LRRTM3: variants seen among roughly 807,000 people sequenced by gnomAD.
The protein encoded by LRRTM3 is leucine-rich repeat transmembrane neuronal protein 3.
LRRTM3 carries 24 observed loss-of-function variants against 44.7 expected under a neutral mutation model. The ratio of observed to expected loss-of-function variants is 0.54; its 90% CI spans 0.39 to 0.76. The LOEUF (loss-of-function observed/expected upper bound fraction) is 0.76, where lower values mean the gene tolerates loss of function less well. Ranked by LOEUF, LRRTM3 falls within the 30% of genes least tolerant of loss-of-function variation. LRRTM3 has a pLI of 0.00. For synonymous variants in LRRTM3, 277 were observed against 278.7 expected, an observed-to-expected ratio of 0.99 and a Z score of 0.06; for missense variants, 587 against 702.2, an observed-to-expected ratio of 0.84 and a Z score of 1.85.
Position 67,028,820 on chromosome 10 carries a change from A to G in LRRTM3, c.1537-68767A>G, listed in dbSNP as rs564628625. The stretch of plus-strand genomic sequence containing the variant: ...TCCCAAGCATTCTACAAGTAATTAC[A>G]TTAGGAAGATAGGAAATCCCTGAGT... On this transcript the variant is annotated intron_variant, in intron 2 of 2. Coordinates refer to ENST00000361320, the MANE Select transcript of LRRTM3 (RefSeq NM_178011.5). Among the ~76,000 whole-genome samples the G allele has an allele frequency of 4.6e-5, 7 of 152,298 alleles. No individual in the cohort carries two copies. In the South Asian group the frequency reaches 1.4e-3, roughly 32 times the overall value.
intron 2 of LRRTM3, among the ~76,000 whole-genome samples, chr10:66,941,643 C>T (rs1473970097): frequency 5.9e-5 from 9 of 152,100 alleles, no homozygotes; most frequent in African/African-American, 1.4e-4. Context: ...GTCTGCAGGG[C>T]TCATTTGCAG....
At chr10:66,948,860 G>A (rs1179389574) in intron 2 of LRRTM3, among the ~76,000 whole-genome samples, 1 of 152,142 alleles carries the variant, frequency 6.6e-6, no homozygotes, top group African/African-American at 2.4e-5. Context: ...TCAGTGAAAT[G>A]TTCTTTTCAG....
chr10:66,985,382 C>T (rs983578950), intron 2 of LRRTM3, among the ~76,000 whole-genome samples: 4 of 152,098 alleles, frequency 2.6e-5, no homozygotes, highest in Non-Finnish European at 4.4e-5. Flanking sequence ...CAGCTCAGAA[C>T]ATGAAAATAT....
At chr10:66,995,793 T>C (rs1564819588) in intron 2 of LRRTM3, among the ~76,000 whole-genome samples, 1 of 152,174 alleles carries the variant, frequency 6.6e-6, no homozygotes, top group Non-Finnish European at 1.5e-5. Flanking sequence ...CTACTCATTC[T>C]TAAGGTCTAA....
chr10:66,946,454 A>T (rs1848281247), intron 2 of LRRTM3, among the ~76,000 whole-genome samples: 1 of 152,166 alleles, frequency 6.6e-6, no homozygotes, highest in Non-Finnish European at 1.5e-5. Flanking sequence ...CAGCTTGATG[A>T]ATAACTGAGC....
chr10:67,059,840 T>C (rs1855654116), intron 2 of LRRTM3, among the ~76,000 whole-genome samples: 1 of 152,336 alleles, frequency 6.6e-6, no homozygotes, highest in East Asian at 1.9e-4. Context: ...TATAATAGCA[T>C]GTATGTCTTT....
chr10:67,008,092 T>C (rs1173646437), intron 2 of LRRTM3, among the ~76,000 whole-genome samples: 1 of 152,016 alleles, frequency 6.6e-6, no homozygotes, highest in Non-Finnish European at 1.5e-5. Flanking sequence ...TTTTTTTTAA[T>C]GCCCATCTTT....
At chr10:67,093,172 A>AT (rs11372624) in intron 2 of LRRTM3, among the ~76,000 whole-genome samples, 83,462 of 151,714 alleles carry the variant, frequency 0.55, 24,592 homozygotes, top group African/African-American at 0.77. Flanking sequence ...GACACTTTAA[A>AT]TAGAGCCTTC....
intron 2 of LRRTM3, among the ~76,000 whole-genome samples, chr10:67,009,946 C>T (rs1359589894): frequency 6.6e-6 from 1 of 152,158 alleles, no homozygotes; most frequent in African/African-American, 2.4e-5. Flanking sequence ...AAACTTGGAT[C>T]TAAGCAAGAA....
At chr10:66,976,671 A>G (rs1402375914) in intron 2 of LRRTM3, among the ~76,000 whole-genome samples, 3 of 152,136 alleles carry the variant, frequency 2.0e-5, no homozygotes, top group African/African-American at 7.2e-5. Flanking sequence ...TATTTTCATG[A>G]CTTTTCTGCC....
intron 2 of LRRTM3, among the ~76,000 whole-genome samples, chr10:67,058,333 A>T (rs73332898): frequency 0.13 from 20,401 of 152,144 alleles, 2,051 homozygotes; most frequent in African/African-American, 0.28. Context: ...TTGTCAGATA[A>T]CATATTGTTT....
chr10:66,946,713 G>A (rs1848290774), intron 2 of LRRTM3, among the ~76,000 whole-genome samples: 1 of 152,036 alleles, frequency 6.6e-6, no homozygotes, highest in Non-Finnish European at 1.5e-5. Context: ...CTTGAGTGTA[G>A]TTGTAGAACT....
At chr10:66,955,469 C>T (rs1848738178) in intron 2 of LRRTM3, among the ~76,000 whole-genome samples, 1 of 152,150 alleles carries the variant, frequency 6.6e-6, no homozygotes, top group South Asian at 2.1e-4. Flanking sequence ...AATCATCTTG[C>T]ATGACAGTAT....
At position 67,029,728 on chromosome 10, in the gene LRRTM3, T is replaced by C. The variant is rs530771874; in HGVS notation, c.1537-67859T>C. ...CAAAAGATATTTTTACAAATTAACT[T>C]TTAACTCTGTGATTCTATATCAAAA... On this transcript the variant is annotated intron_variant, in intron 2 of 2. Coordinates refer to ENST00000361320, the MANE Select transcript of LRRTM3 (RefSeq NM_178011.5). Among the ~76,000 whole-genome samples, 24 of 152,324 alleles carry C rather than the reference T, an allele frequency of 1.6e-4. No homozygotes were observed. In the South Asian group the frequency reaches 5.0e-3, roughly 32 times the overall value.
At chr10:66,965,948 TAA>T (rs778261603) in intron 2 of LRRTM3, among the ~76,000 whole-genome samples, 68 of 152,316 alleles carry the variant, frequency 4.5e-4, no homozygotes, top group African/African-American at 1.6e-3. Flanking sequence ...AAGCACTATA[TAA>T]GTCTGGAGAG....
intron 2 of LRRTM3, among the ~76,000 whole-genome samples, chr10:66,933,073 T>C (rs1847498712): frequency 1.3e-5 from 2 of 152,186 alleles, no homozygotes. Flanking sequence ...CTTTGTAAAC[T>C]CTAAAATGGC....
intron 2 of LRRTM3, among the ~76,000 whole-genome samples, chr10:66,950,998 G>T (rs2132720442): frequency 6.6e-6 from 1 of 152,034 alleles, no homozygotes; most frequent in Non-Finnish European, 1.5e-5. Context: ...TGAATAGATG[G>T]TATGCTTATT....
intron 2 of LRRTM3, among the ~76,000 whole-genome samples, chr10:66,994,347 G>A (rs761677398): frequency 2.0e-4 from 31 of 152,110 alleles, no homozygotes; most frequent in Non-Finnish European, 3.2e-4. Context: ...TAATAACTTC[G>A]AAATTTGCTT....
chr10:67,036,275 C>CTT (rs373402264), intron 2 of LRRTM3, among the ~76,000 whole-genome samples: 2 of 145,542 alleles, frequency 1.4e-5, no homozygotes, highest in African/African-American at 2.5e-5. Flanking sequence ...CCACACCCAG[C>CTT]TTTTTTTTTT....
Sources: gnomAD v4.1 joint callset for allele counts (sites outside exome capture counted in the v4.1 genomes callset) on GRCh38, gnomAD v4.1.1 for gene constraint, MANE v1.5 for transcripts, NCBI Gene and HGNC (gene_info 2026-07-23, HGNC 2026-07-21) for gene names.